Variants in WDR17 observed in about 807,000 individuals in gnomAD.
The protein encoded by WDR17 is WD repeat domain 17, also known as WD repeat-containing protein 17.
A neutral mutation model predicts 161.7 loss-of-function variants in WDR17; 143 were observed. The ratio of observed to expected loss-of-function variants is 0.88; its 90% confidence interval spans 0.77 to 1.02. The LOEUF (loss-of-function observed/expected upper bound fraction) is 1.02. WDR17 is among the 50% of genes least tolerant of loss of function. The probability of loss-of-function intolerance (pLI) is 0.00; values close to 1 mark genes in which losing one functional copy is unlikely to be tolerated. For missense variants in WDR17, 1,469 were observed against 1,520.9 expected, an observed-to-expected ratio of 0.97 and a Z score of 0.57; for synonymous variants, 517 against 515.6, an observed-to-expected ratio of 1.00 and a Z score of -0.04.
intron 1 of WDR17, among the ~76,000 whole-genome samples, chr4:176,075,731 T>C (rs1733877202): frequency 6.6e-6 from 1 of 152,082 alleles, no homozygotes; most frequent in South Asian, 2.1e-4. Flanking sequence ...ATCAGCATTT[T>C]GGGAGGCTGA....
rs1742251267 is a variant in WDR17 at position 176,125,172 on chromosome 4, A to G, written c.607A>G (p.Thr203Ala). The G allele has an allele frequency of 6.2e-7, 1 of 1,614,166 alleles. No individual in the cohort carries two copies. Among genetic ancestry groups the G allele is most frequent in the African/African-American group, 1.3e-5 (1 of 75,048 alleles). ...LEGTDEEDPV[T>A]ALEWDPLSTD... ...AGGGACAGATGAAGAGGATCCAGTT[A>G]CGGCCTTGGAATGGGACCCACTATC... The change falls in exon 5 of 29, where the codon ACG becomes GCG. Residue 203 changes from threonine (T) to alanine (A), a missense_variant. Transcript: ENST00000508596.
rs1468533258 is a variant in WDR17, at chr4:176,180,528, G to A, written c.*949G>A. ...GTTCATGACCAGCCTGGCCAGCATG[G>A]TAAAACCCTGTCTCCACTAAAAATA... On this transcript the variant is annotated 3_prime_UTR_variant, in exon 29 of 29. Transcript: ENST00000508596. The A allele has an allele frequency of 6.6e-6, 1 of 152,182 alleles. No homozygotes were observed. The highest frequency in any genetic ancestry group is 2.4e-5 in the African/African-American group (1 of 41,434). 9.4% of individuals were successfully genotyped at this position (152,182 alleles called of 1,614,324 possible). A position where few individuals can be genotyped will look rare whatever the true frequency, so the allele number is the denominator to read the frequency against.
intron 1 of WDR17, among the ~76,000 whole-genome samples, chr4:176,087,303 AATAAT>A (rs1318063263): frequency 6.6e-6 from 1 of 151,988 alleles, no homozygotes; most frequent in Non-Finnish European, 1.5e-5. Context: ...TCCATTTTTA[AATAAT>A]ATGTTTACTG....
chr4:176,124,236 T>G (rs1229389357), intron 4 of WDR17, among the ~76,000 whole-genome samples: 2 of 152,202 alleles, frequency 1.3e-5, no homozygotes, highest in Non-Finnish European at 2.9e-5. Context: ...CTTCACTGCC[T>G]CTCTTGAGAA....
intron 1 of WDR17, among the ~76,000 whole-genome samples, chr4:176,082,050 CT>C (rs529471641): frequency 1.0e-4 from 15 of 148,872 alleles, no homozygotes; most frequent in East Asian, 2.0e-4. Flanking sequence ...CTTGAAGCAG[CT>C]TTTTTTTTTC....
At chr4:176,138,212 A>G (rs1744713307) in intron 9 of WDR17, among the ~76,000 whole-genome samples, 1 of 151,736 alleles carries the variant, frequency 6.6e-6, no homozygotes, top group Non-Finnish European at 1.5e-5. Context: ...GAATCAGGGG[A>G]AAATGATCTA....
At chr4:176,116,008 G>C in intron 3 of WDR17, 29 bp downstream of exon 3, 1 of 1,542,374 alleles carries the variant, frequency 6.5e-7, no homozygotes, top group Non-Finnish European at 8.7e-7. Context: ...TTTATTTTAT[G>C]GAATAAAATA....
In WDR17 at chr4:176,128,723, C is replaced by T. The variant is rs760208287; in HGVS notation, c.791-15C>T. 4 of 1,591,352 alleles carry T rather than the reference C, an allele frequency of 2.5e-6. No homozygotes were observed. The highest frequency in any genetic ancestry group is 3.4e-6 in the Non-Finnish European group (4 of 1,173,724). ...CAAAACTTGTTAAAATGTGCTTTTT[C>T]CCTGATCTGACTAGATTCTCAAGTG... On this transcript the variant is annotated splice_polypyrimidine_tract_variant and intron_variant, in intron 5 of 28. Coordinates refer to ENST00000508596, the MANE Select transcript of WDR17 (RefSeq NM_181265.4).
intron 1 of WDR17, among the ~76,000 whole-genome samples, chr4:176,076,414 T>TTA (rs1255972274): frequency 6.7e-6 from 1 of 149,318 alleles, no homozygotes; most frequent in East Asian, 1.9e-4. Flanking sequence ...GTTGGTTTTT[T>TTA]TTTTTTTTTT....
At chr4:176,130,756 A>C (rs1446687563) in intron 6 of WDR17, among the ~76,000 whole-genome samples, 2 of 151,992 alleles carry the variant, frequency 1.3e-5, no homozygotes, top group African/African-American at 2.4e-5. Context: ...AAAAAAAAAA[A>C]AAAAAAACTG....
In WDR17 at chr4:176,120,078, T is replaced by G. The variant is rs1360598370; in HGVS notation, c.519T>G (p.Ser173Arg). 1 of 1,613,404 alleles carries G rather than the reference T, an allele frequency of 6.2e-7. No individual in the cohort carries two copies. Residue 173 changes from serine to arginine, a missense_variant, in exon 4 of 29, where the codon AGT becomes AGG. Physicochemically the swap from Ser to Arg is moderately radical, Grantham distance 110 (BLOSUM62 -1). Transcript: ENST00000508596. ...GKVVFGHIDG[S>R]LSIFHPGNKN... is the part of the protein sequence containing the mutation. ...TTGTGTTTGGTCATATTGATGGAAG[T>G]CTATCAATTTTTCATCCAGGTAAGA...
intron 6 of WDR17, among the ~76,000 whole-genome samples, chr4:176,129,493 A>G (rs890865459): frequency 1.3e-5 from 2 of 152,078 alleles, no homozygotes; most frequent in East Asian, 3.8e-4. Flanking sequence ...TTTTTCAAAT[A>G]TAAGGGAAAA....
intron 1 of WDR17, among the ~76,000 whole-genome samples, chr4:176,087,374 C>A: frequency 6.6e-6 from 1 of 152,076 alleles, no homozygotes; most frequent in East Asian, 1.9e-4. Context: ...TGCATTCTCA[C>A]TTCCATTATT....
At chr4:176,161,116 A>G in intron 20 of WDR17, 114 bp downstream of exon 20, 1 of 711,292 alleles carries the variant, frequency 1.4e-6, no homozygotes, top group Non-Finnish European at 2.2e-6. Flanking sequence ...GACTGCCTCA[A>G]CCGCATTCCT....
At chr4:176,157,967 G>A (rs1483500289) in intron 18 of WDR17, among the ~76,000 whole-genome samples, 3 of 152,180 alleles carry the variant, frequency 2.0e-5, no homozygotes, top group Non-Finnish European at 2.9e-5. Context: ...TCTGTGAAAG[G>A]AGGCTGCTGT....
At chr4:176,087,546 G>T (rs922642185) in intron 1 of WDR17, among the ~76,000 whole-genome samples, 1 of 152,074 alleles carries the variant, frequency 6.6e-6, no homozygotes, top group Non-Finnish European at 1.5e-5. Context: ...ATCAGTTTCA[G>T]AAATTTCTCA....
chr4:176,096,621 G>T, intron 1 of WDR17: 1 of 1,522,226 alleles, frequency 6.6e-7, no homozygotes, highest in African/African-American at 1.4e-5. Flanking sequence ...GATTTCCTGC[G>T]ATTTTTTTTC....
At chr4:176,130,432 T>C (rs970611002) in intron 6 of WDR17, among the ~76,000 whole-genome samples, 6 of 152,076 alleles carry the variant, frequency 3.9e-5, no homozygotes, top group Non-Finnish European at 7.4e-5. Context: ...CTAAGAAAAA[T>C]TGTATTTTAA....
At chr4:176,093,475 A>C (rs1415037784) in intron 1 of WDR17, among the ~76,000 whole-genome samples, 2 of 152,260 alleles carry the variant, frequency 1.3e-5, no homozygotes, top group East Asian at 3.9e-4. Context: ...AAACTACTTT[A>C]CTTCATTTTC....
Sources: gnomAD v4.1 joint callset for allele counts (sites outside exome capture counted in the v4.1 genomes callset) on GRCh38, gnomAD v4.1.1 for gene constraint, MANE v1.5 for transcripts, NCBI Gene and HGNC (gene_info 2026-07-23, HGNC 2026-07-21) for gene names.